The following PITPNC1 variants were observed in gnomAD, a reference collection of about 807,000 sequenced individuals.
PITPNC1 encodes phosphatidylinositol transfer protein cytoplasmic 1.
In PITPNC1, 18 loss-of-function variants were observed where a neutral mutation model predicts 44.7. The ratio of observed to expected loss-of-function variants is 0.40; its 90% CI spans 0.28 to 0.60. PITPNC1 has a LOEUF of 0.60. PITPNC1 is among the 20% of genes least tolerant of loss of function. The pLI, the probability that PITPNC1 is intolerant of heterozygous loss-of-function variation, is 0.39. For synonymous variants in PITPNC1, 141 were observed against 149.6 expected, an observed-to-expected ratio of 0.94 and a Z score of 0.42; for missense variants, 290 against 418.4, an observed-to-expected ratio of 0.69 and a Z score of 2.68.
At chr17:67,555,886 G>C (rs1157253791) in intron 4 of PITPNC1, among the ~76,000 whole-genome samples, 6 of 152,020 alleles carry the variant, frequency 3.9e-5, no homozygotes, top group Non-Finnish European at 8.8e-5. Flanking sequence ...TCATTTATTA[G>C]GCATCAGTGA....
At chr17:67,471,860 C>T (rs2039541090) in intron 1 of PITPNC1, among the ~76,000 whole-genome samples, 1 of 151,980 alleles carries the variant, frequency 6.6e-6, no homozygotes, top group Non-Finnish European at 1.5e-5. Flanking sequence ...TTTTTCTGTT[C>T]CAGGATTTAA....
intron 6 of PITPNC1, among the ~76,000 whole-genome samples, chr17:67,642,661 G>A (rs574524407): frequency 8.5e-5 from 13 of 152,186 alleles, no homozygotes; most frequent in African/African-American, 1.4e-4. Context: ...TTCCAAACCC[G>A]GGAAAGATAA....
chr17:67,554,542 G>A lies in PITPNC1; in HGVS notation c.294+925G>A, dbSNP rs548474680. On this transcript the variant is annotated intron_variant, in intron 4 of 8. Coordinates refer to ENST00000581322, the MANE Select transcript of PITPNC1 (RefSeq NM_012417.4). ...CAAAGTGTTGGGATTACAGGTGTGA[G>A]CCACCACACCTGGCTAATAGTTATG... 2.6e-5 allele frequency among the ~76,000 whole-genome samples: 4 copies of A among 152,234 alleles called. No homozygotes were observed. In the South Asian group the frequency reaches 8.3e-4, roughly 32 times the overall value.
chr17:67,474,302 G>A (rs2039594526), intron 1 of PITPNC1, among the ~76,000 whole-genome samples: 1 of 152,176 alleles, frequency 6.6e-6, no homozygotes, highest in Non-Finnish European at 1.5e-5. Context: ...ATTAGCTTTT[G>A]TCTTCTCCGT....
chr17:67,378,776 G>T (rs981188723), intron 1 of PITPNC1, among the ~76,000 whole-genome samples: 2 of 152,220 alleles, frequency 1.3e-5, no homozygotes, highest in African/African-American at 4.8e-5. Flanking sequence ...CGAGGCTCGG[G>T]ACCCGGCTGT....
intron 1 of PITPNC1, among the ~76,000 whole-genome samples, chr17:67,422,240 C>G (rs1339666784): frequency 6.6e-6 from 1 of 152,194 alleles, no homozygotes. Context: ...TTAATACATT[C>G]CTTTGACATT....
chr17:67,619,415 C>T (rs571294475), intron 5 of PITPNC1, among the ~76,000 whole-genome samples: 29 of 152,224 alleles, frequency 1.9e-4, no homozygotes, highest in African/African-American at 7.0e-4. Context: ...GTTTTTTAAT[C>T]GGCTCCCTCA....
At chr17:67,683,987 A>AAAAAAAG (rs1475350678) in intron 8 of PITPNC1, among the ~76,000 whole-genome samples, 1 of 151,874 alleles carries the variant, frequency 6.6e-6, no homozygotes, top group Non-Finnish European at 1.5e-5. Context: ...CAAAAAAAAA[A>AAAAAAAG]AAAAAAGAAA....
intron 6 of PITPNC1, among the ~76,000 whole-genome samples, chr17:67,640,453 G>A (rs111719832): frequency 0.036 from 5,409 of 152,100 alleles, 133 homozygotes; most frequent in Middle Eastern, 0.085. Context: ...GCCGAGGCAG[G>A]CGGATCACTT....
intron 1 of PITPNC1, chr17:67,378,946 CGGGCGCGGGGCGGG>C: frequency 1.0e-6 from 1 of 984,428 alleles, no homozygotes; most frequent in Non-Finnish European, 1.2e-6. Context: ...CTGGGGGCGC[CGGGCGCGGGGCGGG>C]GGCTCGTCCT....
Position 67,509,649 on chromosome 17 carries a change from C to T in PITPNC1, c.49-23153C>T, listed in dbSNP as rs540411985. ...TTAGTTTTTCCTCAGACTTATTTGA[C>T]TGTGGTCCCCTCTGATCAGAAGAAA... On this transcript the variant is annotated intron_variant, in intron 1 of 8. Transcript: ENST00000581322. Among the ~76,000 whole-genome samples, 25 of 152,186 alleles carry T rather than the reference C, an allele frequency of 1.6e-4. No homozygotes were observed. In the South Asian group the frequency reaches 4.4e-3, roughly 26 times the overall value.
intron 5 of PITPNC1, among the ~76,000 whole-genome samples, chr17:67,616,333 G>T (rs1567740187): frequency 6.6e-6 from 1 of 152,082 alleles, no homozygotes; most frequent in East Asian, 1.9e-4. Context: ...TACAAAATGG[G>T]TTTTACCATG....
intron 1 of PITPNC1, chr17:67,471,519 G>GT: frequency 2.8e-6 from 1 of 362,754 alleles, no homozygotes; most frequent in African/African-American, 2.3e-5. Flanking sequence ...AGAAACTGTG[G>GT]TTTTTGCCAT....
intron 5 of PITPNC1, among the ~76,000 whole-genome samples, chr17:67,598,782 A>G (rs1291985318): frequency 6.6e-6 from 1 of 151,754 alleles, no homozygotes; most frequent in East Asian, 1.9e-4. Context: ...AATCCCAGCT[A>G]CTTGGGAAGC....
chr17:67,564,212 T>G lies in PITPNC1; in HGVS notation c.294+10595T>G, dbSNP rs1449158497. On this transcript the variant is annotated intron_variant, in intron 4 of 8. Transcript: ENST00000581322. ...GGATGGATGGATGGATGAGAGGGGATTTGCTAGGGAAATTGGCTCACATGA... is the reference window on the plus strand; with the variant it reads ...GGATGGATGGATGGATGAGAGGGGAGTTGCTAGGGAAATTGGCTCACATGA... Among the ~76,000 whole-genome samples the G allele has an allele frequency of 7.9e-5, 12 of 151,102 alleles. 1 individual carries two copies. The highest frequency in any genetic ancestry group is 5.9e-4 in the Admixed American group (9 of 15,138).
rs1292582903 is a variant in PITPNC1, at chr17:67,599,019, TATATATATATATATA to T, written c.366+20763_366+20777del. Among the ~76,000 whole-genome samples, 19 of 37,360 alleles carry T rather than the reference TATATATATATATATA, an allele frequency of 5.1e-4. 1 individual carries two copies. The South Asian group carries it at 6.1e-3, about 12-fold the overall frequency. 24.5% of individuals were successfully genotyped at this position (37,360 alleles called of 152,430 possible). A position where few individuals can be genotyped will look rare whatever the true frequency, so the allele number is the denominator to read the frequency against. On this transcript the variant is annotated intron_variant, in intron 5 of 8. Transcript: ENST00000581322. The stretch of plus-strand genomic sequence containing the variant: ...AGAAATACATATATATATATATATA[TATATATATATATATA>T]TTTTTTTTTTTTTTTTTTTTACCAT...
At position 67,390,043 on chromosome 17, in the gene PITPNC1, C is replaced by CAGAG. The variant is rs10600705; in HGVS notation, c.48+11856_48+11859dup. ...TTTGAGCAGAATAGATACCCATGTT[C>CAGAG]AGAGAGAGAGAGAGAGAGCCATTGA... is the stretch of plus-strand genomic sequence containing the variant. On this transcript the variant is annotated intron_variant, in intron 1 of 8. Coordinates refer to ENST00000581322, the MANE Select transcript of PITPNC1 (RefSeq NM_012417.4). Among the ~76,000 whole-genome samples the CAGAG allele has an allele frequency of 7.3e-5, 11 of 150,304 alleles. No individual in the cohort carries two copies. The South Asian group carries it at 1.3e-3, about 17-fold the overall frequency.
At chr17:67,649,273 G>A (rs895763719) in intron 6 of PITPNC1, among the ~76,000 whole-genome samples, 21 of 152,222 alleles carry the variant, frequency 1.4e-4, no homozygotes, top group Admixed American at 3.9e-4. Context: ...GCAGAGGAAC[G>A]TAGAGATTGC....
intron 5 of PITPNC1, among the ~76,000 whole-genome samples, chr17:67,578,948 C>T (rs539820961): frequency 1.3e-5 from 2 of 152,304 alleles, no homozygotes; most frequent in African/African-American, 2.4e-5. Context: ...CACCACTGCA[C>T]TTCAGCCTGG....
Sources: gnomAD v4.1 joint callset for allele counts (sites outside exome capture counted in the v4.1 genomes callset) on GRCh38, gnomAD v4.1.1 for gene constraint, MANE v1.5 for transcripts, NCBI Gene and HGNC (gene_info 2026-07-23, HGNC 2026-07-21) for gene names.